The following FBXO17 variants were observed in gnomAD, a reference collection of about 807,000 sequenced individuals.
FBXO17 encodes F-box protein 17, also known as F-box only protein 17.
Under a neutral mutation model 34.1 loss-of-function variants are expected in FBXO17, and 43 were observed. That is an observed-to-expected ratio of 1.26 (90% CI 0.99 to 1.62). FBXO17 has a LOEUF of 1.62. Ranked by LOEUF, FBXO17 falls within the 40% of genes most tolerant of loss-of-function variation. The pLI is 0.00. For missense variants in FBXO17, 424 were observed against 386.7 expected (o/e 1.10, Z -0.81); for synonymous variants, 169 against 166.0 (o/e 1.02, Z -0.14).
chr19:38,944,625 C>T (rs895650848), intron 5 of FBXO17: 1 of 253,726 alleles, frequency 3.9e-6, no homozygotes, highest in African/African-American at 3.0e-5. Context: ...TCCAGCTCTG[C>T]ACTGGACCAG....
chr19:38,953,268 C>G (rs1024047196), intron 1 of FBXO17, among the ~76,000 whole-genome samples: 3 of 152,030 alleles, frequency 2.0e-5, no homozygotes, highest in Non-Finnish European at 4.4e-5. Context: ...GATTATGCCA[C>G]TGTACTCCAG....
At chr19:38,960,210 CTG>C (rs1975227883) in intron 1 of FBXO17, among the ~76,000 whole-genome samples, 1 of 152,030 alleles carries the variant, frequency 6.6e-6, no homozygotes, top group East Asian at 1.9e-4. Context: ...AAAAATACCT[CTG>C]TGAATCATGA....
At chr19:38,973,406 G>A (rs1030991286) in intron 1 of FBXO17, among the ~76,000 whole-genome samples, 3 of 152,032 alleles carry the variant, frequency 2.0e-5, no homozygotes, top group African/African-American at 7.2e-5. Flanking sequence ...TACCCACTCC[G>A]TGAACAATTT....
At chr19:38,974,553 G>GATT (rs1211098055) in intron 1 of FBXO17, among the ~76,000 whole-genome samples, 7 of 152,136 alleles carry the variant, frequency 4.6e-5, no homozygotes, top group African/African-American at 1.7e-4. Context: ...ACAGGGAGGT[G>GATT]ATTATATAGG....
chr19:38,954,822 C>T (rs773270356), intron 1 of FBXO17, among the ~76,000 whole-genome samples: 1 of 151,208 alleles, frequency 6.6e-6, no homozygotes, highest in African/African-American at 2.4e-5. Context: ...TCAGGTGATC[C>T]GCCCACCTCA....
chr19:38,955,603 C>CCTCCTGAT (rs751453808), intron 1 of FBXO17, among the ~76,000 whole-genome samples: 106 of 151,730 alleles, frequency 7.0e-4, no homozygotes, highest in Non-Finnish European at 1.2e-3. Context: ...CGTGCCTCAG[C>CCTCCTGAT]CTCCTGATTA....
At chr19:38,969,556 A>G (rs1600206081) in intron 1 of FBXO17, among the ~76,000 whole-genome samples, 1 of 151,330 alleles carries the variant, frequency 6.6e-6, no homozygotes, top group Non-Finnish European at 1.5e-5. Context: ...TCCTGGTGGA[A>G]TCCATTTGGA....
At chr19:38,974,534 C>G (rs1375065752) in intron 1 of FBXO17, among the ~76,000 whole-genome samples, 1 of 151,976 alleles carries the variant, frequency 6.6e-6, no homozygotes, top group East Asian at 1.9e-4. Context: ...AAAGTAATGT[C>G]CTGACTATAC....
At position 38,966,293 on chromosome 19, in the gene FBXO17, T is replaced by TTGTGTG. The variant is rs10569438; in HGVS notation, c.-18+9287_-18+9292dup. On this transcript the variant is annotated intron_variant, in intron 1 of 5. Coordinates refer to ENST00000292852, the MANE Select transcript of FBXO17 (RefSeq NM_024907.7). ...CCAACATTCTCTTAAATTAAAAATT[T>TTGTGTG]TGTGTGTGTGTGTGTGTGTGTGTGT... 3.7e-3 allele frequency among the ~76,000 whole-genome samples: 525 copies of TTGTGTG among 143,044 alleles called. 4 individuals carry two copies. Among genetic ancestry groups the TTGTGTG allele is most frequent in the African/African-American group, 0.012 (465 of 38,800 alleles). The allele number at this position is 143,044 out of a possible 152,430, so 93.8% of individuals were successfully genotyped here.
At chr19:38,949,844 G>A (rs1975045830) in intron 2 of FBXO17, 127 bp downstream of exon 2, 1 of 1,203,690 alleles carries the variant, frequency 8.3e-7, no homozygotes, top group Non-Finnish European at 1.1e-6. Flanking sequence ...GCGTCCCTCA[G>A]CCCCGCCCCC....
chr19:38,954,893 A>G (rs1200480189), intron 1 of FBXO17, among the ~76,000 whole-genome samples: 1 of 94,394 alleles, frequency 1.1e-5, no homozygotes, highest in Non-Finnish European at 2.1e-5. Flanking sequence ...ACAATGTGTT[A>G]TTTTATTATT....
chr19:38,941,490 G>A lies in FBXO17; in HGVS notation c.*1118C>T, dbSNP rs1974884932. 1 of 152,204 alleles carries A rather than the reference G, an allele frequency of 6.6e-6. No homozygotes were observed. The highest frequency in any genetic ancestry group is 1.5e-5 in the Non-Finnish European group (1 of 68,036). The allele number at this position is 152,204 out of a possible 1,614,324, so 9.4% of individuals were successfully genotyped here. A position where few individuals can be genotyped will look rare whatever the true frequency, so the allele number is the denominator to read the frequency against. The stretch of plus-strand genomic sequence containing the variant: ...TTACCCACATATTTATTGACAGCAA[G>A]CCAGTGATAAGCATTATTTCTATAG... On this transcript the variant is annotated 3_prime_UTR_variant, in exon 6 of 6. Transcript: ENST00000292852.
intron 2 of FBXO17, 33 bp from the exon 3 acceptor site, chr19:38,948,711 A>C (rs747042123): frequency 1.3e-6 from 2 of 1,596,874 alleles, no homozygotes. Context: ...CATATGGTTC[A>C]CCTGCCAGCC....
chr19:38,959,689 G>A (rs1346696633), intron 1 of FBXO17, among the ~76,000 whole-genome samples: 2 of 151,838 alleles, frequency 1.3e-5, no homozygotes, highest in East Asian at 1.9e-4. Flanking sequence ...CCGGGGGTTC[G>A]AGACCAGCCT....
chr19:38,942,873 G>A lies in FBXO17; in HGVS notation c.694-122C>T, dbSNP rs1391985643. The A allele has an allele frequency of 3.2e-6, 4 of 1,241,308 alleles. No homozygotes were observed. In the African/African-American group the frequency reaches 4.8e-5, roughly 15 times the overall value. 76.9% of individuals were successfully genotyped at this position (1,241,308 alleles called of 1,614,324 possible). On this transcript the variant is annotated intron_variant, in intron 5 of 5. Coordinates refer to ENST00000292852, the MANE Select transcript of FBXO17 (RefSeq NM_024907.7). Reference sequence around the variant, plus strand: ...CCTGCGCTAGTTTGCTGGGGACGGAGCAGTGAATAAAACCGGAAAAGGACC... The same window carrying A: ...CCTGCGCTAGTTTGCTGGGGACGGAACAGTGAATAAAACCGGAAAAGGACC...
At chr19:38,969,781 A>G (rs1164754087) in intron 1 of FBXO17, among the ~76,000 whole-genome samples, 7 of 151,974 alleles carry the variant, frequency 4.6e-5, no homozygotes, top group Non-Finnish European at 1.0e-4. Context: ...TATTTTTAGT[A>G]GAGACAGGGT....
intron 1 of FBXO17, among the ~76,000 whole-genome samples, chr19:38,955,161 G>C (rs2144825307): frequency 6.6e-6 from 1 of 151,084 alleles, no homozygotes; most frequent in Non-Finnish European, 1.5e-5. Flanking sequence ...TCGATCTCCT[G>C]ACCTCATGAT....
intron 1 of FBXO17, among the ~76,000 whole-genome samples, chr19:38,967,844 G>A (rs1296005729): frequency 2.0e-5 from 3 of 152,122 alleles, no homozygotes; most frequent in Non-Finnish European, 4.4e-5. Flanking sequence ...GGGATTATGG[G>A]CATGAGCCAC....
At chr19:38,970,088 G>GACT (rs1205110011) in intron 1 of FBXO17, among the ~76,000 whole-genome samples, 1 of 150,580 alleles carries the variant, frequency 6.6e-6, no homozygotes, top group Non-Finnish European at 1.5e-5. Flanking sequence ...AGATAAGATG[G>GACT]ACTACTATAT....
Sources: gnomAD v4.1 joint callset for allele counts (sites outside exome capture counted in the v4.1 genomes callset) on GRCh38, gnomAD v4.1.1 for gene constraint, MANE v1.5 for transcripts, NCBI Gene and HGNC (gene_info 2026-07-23, HGNC 2026-07-21) for gene names.